Variants in CNTNAP2 observed in about 807,000 individuals in gnomAD.
CNTNAP2 encodes the protein contactin-associated protein-like 2.
A neutral mutation model predicts 155.2 loss-of-function variants in CNTNAP2; 98 were observed. The observed-to-expected ratio is 0.63, with a 90% CI of 0.54 to 0.75. CNTNAP2 has a LOEUF of 0.75. CNTNAP2 is among the 30% of genes least tolerant of loss of function. The pLI is 0.00. For missense variants in CNTNAP2, 1,727 were observed against 1,688.1 expected (o/e 1.02, Z -0.40); for synonymous variants, 651 against 631.2 (o/e 1.03, Z -0.47).
At chr7:146,679,965 C>T (rs1012661239) in intron 1 of CNTNAP2, among the ~76,000 whole-genome samples, 3 of 151,950 alleles carry the variant, frequency 2.0e-5, no homozygotes, top group Non-Finnish European at 4.4e-5. Context: ...CTATTTTAGT[C>T]ATATAAAACA....
intron 3 of CNTNAP2, among the ~76,000 whole-genome samples, chr7:146,843,642 A>G (rs1416987164): frequency 6.6e-6 from 1 of 151,882 alleles, no homozygotes; most frequent in Non-Finnish European, 1.5e-5. Flanking sequence ...ATTCTAAAAG[A>G]GTTAAAGTTC....
chr7:146,874,944 C>G (rs1396449833), intron 3 of CNTNAP2, among the ~76,000 whole-genome samples: 1 of 152,146 alleles, frequency 6.6e-6, no homozygotes, highest in Non-Finnish European at 1.5e-5. Flanking sequence ...TTCTCTTGAT[C>G]AGAATAGGTC....
chr7:147,860,447 A>C (rs901679032), intron 13 of CNTNAP2, among the ~76,000 whole-genome samples: 1 of 151,742 alleles, frequency 6.6e-6, no homozygotes, highest in African/African-American at 2.4e-5. Context: ...AAAATTAGCC[A>C]TGTGTGGTGG....
intron 3 of CNTNAP2, among the ~76,000 whole-genome samples, chr7:146,997,145 T>C (rs1798327569): frequency 1.3e-5 from 2 of 152,138 alleles, no homozygotes; most frequent in South Asian, 4.1e-4. Flanking sequence ...TGGATGTCCT[T>C]GTTTTGTTCT....
intron 1 of CNTNAP2, among the ~76,000 whole-genome samples, chr7:146,578,082 G>A (rs1375009420): frequency 1.3e-5 from 2 of 152,040 alleles, no homozygotes; most frequent in Non-Finnish European, 2.9e-5. Flanking sequence ...TTAGTTATTT[G>A]TTCCTAATTT....
At chr7:146,237,030 C>T (rs909422240) in intron 1 of CNTNAP2, among the ~76,000 whole-genome samples, 2 of 151,998 alleles carry the variant, frequency 1.3e-5, no homozygotes, top group Non-Finnish European at 2.9e-5. Flanking sequence ...AAAGTACTAA[C>T]GTTGATATTT....
At chr7:146,780,791 T>A (rs889742503) in intron 2 of CNTNAP2, among the ~76,000 whole-genome samples, 17 of 152,100 alleles carry the variant, frequency 1.1e-4, no homozygotes, top group Admixed American at 7.9e-4. Context: ...CAACACTGCA[T>A]GTTCTCACTT....
chr7:146,861,079 G>T (rs574303690), intron 3 of CNTNAP2, among the ~76,000 whole-genome samples: 9 of 151,468 alleles, frequency 5.9e-5, no homozygotes, highest in East Asian at 3.9e-4. Flanking sequence ...TTTGTTTTTT[G>T]AGACCAAGCC....
chr7:147,986,548 G>A (rs926441339), intron 15 of CNTNAP2, among the ~76,000 whole-genome samples: 1 of 152,188 alleles, frequency 6.6e-6, no homozygotes, highest in Non-Finnish European at 1.5e-5. Flanking sequence ...CAGATCAGGG[G>A]TCTGGGTCTA....
At chr7:147,772,075 G>C (rs1243436147) in intron 13 of CNTNAP2, among the ~76,000 whole-genome samples, 1 of 151,974 alleles carries the variant, frequency 6.6e-6, no homozygotes, top group Non-Finnish European at 1.5e-5. Context: ...TTTTAGATAA[G>C]TTCTCTGGAG....
chr7:146,665,803 T>G lies in CNTNAP2; in HGVS notation c.98-108468T>G, dbSNP rs575102544. ...CTCATTAAAAAAAAAAAAAAATACA[T>G]TTTGTAACTGATTTCTATTTTTAAT... On this transcript the variant is annotated intron_variant, in intron 1 of 23. Transcript: ENST00000361727. Among the ~76,000 whole-genome samples, 186 of 36,344 alleles carry G rather than the reference T, an allele frequency of 5.1e-3. 6 individuals carry two copies. Among genetic ancestry groups the G allele is most frequent in the South Asian group, 7.3e-3 (5 of 688 alleles). The allele number at this position is 36,344 out of a possible 152,430, so 23.8% of individuals were successfully genotyped here.
chr7:147,714,216 G>A (rs1796448691), intron 13 of CNTNAP2, among the ~76,000 whole-genome samples: 1 of 152,012 alleles, frequency 6.6e-6, no homozygotes, highest in South Asian at 2.1e-4. Flanking sequence ...CAGGAATTTT[G>A]GGTTTGCTTG....
chr7:148,069,823 C>A (rs1176445072), intron 15 of CNTNAP2, among the ~76,000 whole-genome samples: 1 of 151,070 alleles, frequency 6.6e-6, no homozygotes, highest in African/African-American at 2.4e-5. Context: ...TCCATCTCAA[C>A]TCTCTAAAAC....
At chr7:147,085,383 T>C (rs1052150734) in intron 4 of CNTNAP2, among the ~76,000 whole-genome samples, 1 of 152,046 alleles carries the variant, frequency 6.6e-6, no homozygotes, top group Non-Finnish European at 1.5e-5. Context: ...TCCTGTCAGA[T>C]GAGTGCCCGC....
intron 1 of CNTNAP2, among the ~76,000 whole-genome samples, chr7:146,748,381 A>G (rs550487092): frequency 3.9e-5 from 6 of 152,030 alleles, no homozygotes; most frequent in South Asian, 2.1e-4. Flanking sequence ...TCCTGACCTC[A>G]TGATCCGCCC....
At chr7:146,651,408 T>C (rs1455831773) in intron 1 of CNTNAP2, among the ~76,000 whole-genome samples, 1 of 152,148 alleles carries the variant, frequency 6.6e-6, no homozygotes, top group Admixed American at 6.6e-5. Flanking sequence ...AACTAAAATG[T>C]ATAAATGCTA....
rs376851857 is a variant in CNTNAP2, at chr7:147,688,323, A to G, written c.2098+49017A>G. ...TAAAAAGCAAAGCTAAAAATAGCAA[A>G]AATAGAAAAAACACAAACAACAAAA... On this transcript the variant is annotated intron_variant, in intron 13 of 23. Transcript: ENST00000361727. Among the ~76,000 whole-genome samples the G allele has an allele frequency of 3.3e-5, 5 of 152,264 alleles. 1 individual carries two copies. Among genetic ancestry groups the G allele is most frequent in the African/African-American group, 1.2e-4 (5 of 41,568 alleles).
chr7:146,499,712 T>C (rs907944432), intron 1 of CNTNAP2, among the ~76,000 whole-genome samples: 6 of 152,118 alleles, frequency 3.9e-5, no homozygotes, highest in African/African-American at 1.4e-4. Flanking sequence ...TGTTCCTGTG[T>C]TAGTTTGCTG....
At chr7:147,467,229 A>G (rs1203577133) in intron 10 of CNTNAP2, among the ~76,000 whole-genome samples, 9 of 152,224 alleles carry the variant, frequency 5.9e-5, no homozygotes, top group Non-Finnish European at 1.0e-4. Context: ...CCCACTTCAA[A>G]TGATATAGTT....
Sources: allele counts gnomAD v4.1 joint callset (sites outside exome capture counted in the v4.1 genomes callset), GRCh38; gene constraint gnomAD v4.1.1; transcripts MANE v1.5; gene names NCBI Gene and HGNC (gene_info 2026-07-23, HGNC 2026-07-21).